Variants in NEBL observed in about 807,000 individuals in gnomAD.
NEBL encodes LIM and SH3 protein 2.
Under a neutral mutation model 140.2 loss-of-function variants are expected in NEBL, and 122 were observed. The observed-to-expected ratio is 0.87, with a 90% confidence interval of 0.75 to 1.01. The LOEUF is 1.01. Among genes scored for constraint, NEBL ranks in the 50% least tolerant of loss-of-function variants. The pLI is 0.00. For missense variants in NEBL, 1,365 were observed against 1,231.3 expected (o/e 1.11, Z -1.62); for synonymous variants, 436 against 398.9 (o/e 1.09, Z -1.11).
chr10:20,826,389 T>G, intron 18 of NEBL, 58 bp downstream of exon 18: 1 of 1,321,750 alleles, frequency 7.6e-7, no homozygotes. Flanking sequence ...ACTAAAAACA[T>G]TTGTCTATAG....
In NEBL at chr10:20,790,600, CA is replaced by C. The variant is rs558358426; in HGVS notation, c.2762-3293del. Among the ~76,000 whole-genome samples, 717 of 82,808 alleles carry C rather than the reference CA, an allele frequency of 8.7e-3. 5 individuals carry two copies. The highest frequency in any genetic ancestry group is 0.019 in the Middle Eastern group (3 of 158). 54.3% of individuals were successfully genotyped at this position (82,808 alleles called of 152,430 possible). A position where few individuals can be genotyped will look rare whatever the true frequency, so the allele number is the denominator to read the frequency against. On this transcript the variant is annotated intron_variant, in intron 26 of 27. Transcript: ENST00000377122. ...TGGGCGACAGAGTGAAACTCTGTCT[CA>C]AAAAAAAAAAAACAAAACAAACAAA...
intron 1 of NEBL, among the ~76,000 whole-genome samples, chr10:21,266,405 G>A (rs1441263746): frequency 6.6e-6 from 1 of 152,322 alleles, no homozygotes; most frequent in Non-Finnish European, 1.5e-5. Context: ...GCCTCCCAAA[G>A]TGTTAGGATT....
chr10:21,122,717 G>A (rs1287545420), intron 2 of NEBL, among the ~76,000 whole-genome samples: 2 of 152,074 alleles, frequency 1.3e-5, no homozygotes, highest in Non-Finnish European at 2.9e-5. Flanking sequence ...CAGTGTCTGG[G>A]TAGCGGATCC....
chr10:21,110,770 G>A (rs1487551751), intron 2 of NEBL: 2 of 528,668 alleles, frequency 3.8e-6, no homozygotes, highest in Non-Finnish European at 7.4e-6. Context: ...TGATGAAAAT[G>A]AGCACCAATT....
chr10:20,984,160 GAT>G (rs1204692227), intron 3 of NEBL, among the ~76,000 whole-genome samples: 2 of 145,902 alleles, frequency 1.4e-5, no homozygotes, highest in Non-Finnish European at 3.0e-5. Context: ...AAAAAGTAAA[GAT>G]TATATTAAAA....
Position 21,173,953 on chromosome 10 carries a change from C to G in NEBL, c.-120G>C, listed in dbSNP as rs1195804166. 1.1e-5 allele frequency: 15 copies of G among 1,378,402 alleles called. No individual in the cohort carries two copies. Among genetic ancestry groups the G allele is most frequent in the Non-Finnish European group, 1.4e-5 (15 of 1,077,444 alleles). 85.4% of individuals were successfully genotyped at this position (1,378,402 alleles called of 1,614,324 possible). On this transcript the variant is annotated 5_prime_UTR_variant, in exon 1 of 7. Transcript: ENST00000417816. This position sits in a 1 kb window ranked among gnomAD's most constrained non-coding sequence, Gnocchi z 5.7. ...GCGGGAGGGCTGCGGGCGGCGGGCGCCGGGTAGGGAGTCGGCGCCGGGCCA... is the reference window on the plus strand; with the variant it reads ...GCGGGAGGGCTGCGGGCGGCGGGCGGCGGGTAGGGAGTCGGCGCCGGGCCA...
At chr10:21,255,838 A>C (rs935958762) in intron 1 of NEBL, among the ~76,000 whole-genome samples, 1 of 151,930 alleles carries the variant, frequency 6.6e-6, no homozygotes, top group Non-Finnish European at 1.5e-5. Context: ...TCTACTAAAA[A>C]TACAAAAAAT....
chr10:21,231,143 C>A (rs1385827272), intron 3 of NEBL, among the ~76,000 whole-genome samples: 1 of 152,208 alleles, frequency 6.6e-6, no homozygotes, highest in Non-Finnish European at 1.5e-5. Context: ...GATGTGCGAG[C>A]ACTTCTTGGC....
At chr10:20,894,384 A>G (rs563094979) in intron 2 of NEBL, among the ~76,000 whole-genome samples, 17 of 152,184 alleles carry the variant, frequency 1.1e-4, no homozygotes, top group African/African-American at 4.1e-4. Flanking sequence ...AAGGCTGGAG[A>G]ATCACTTGAG....
intron 3 of NEBL, among the ~76,000 whole-genome samples, chr10:21,202,931 A>T (rs890665146): frequency 2.6e-5 from 4 of 152,218 alleles, no homozygotes; most frequent in African/African-American, 9.7e-5. Context: ...GCTTCCTAAG[A>T]ATTTCTGCTC....
At chr10:20,908,373 G>A (rs141293387) in intron 4 of NEBL, among the ~76,000 whole-genome samples, 7 of 152,220 alleles carry the variant, frequency 4.6e-5, no homozygotes, top group East Asian at 1.9e-4. Context: ...TTGTCATTAC[G>A]GATGCTTATA....
chr10:21,197,044 C>T (rs1841664798), intron 3 of NEBL, among the ~76,000 whole-genome samples: 1 of 152,156 alleles, frequency 6.6e-6, no homozygotes, highest in African/African-American at 2.4e-5. Context: ...AAACTAAAAG[C>T]ATGATGAAGA....
intron 3 of NEBL, among the ~76,000 whole-genome samples, chr10:21,241,245 AAAATAAATAAAT>A (rs372654187): frequency 0.027 from 3,955 of 146,480 alleles, 103 homozygotes; most frequent in African/African-American, 0.062. Context: ...CGATGCCAGC[AAAATAAATAAAT>A]AAATAAATAA....
At chr10:20,922,210 A>T (rs147926272) in intron 4 of NEBL, among the ~76,000 whole-genome samples, 5 of 152,170 alleles carry the variant, frequency 3.3e-5, no homozygotes, top group African/African-American at 1.2e-4. Context: ...CCAGGCTGTG[A>T]CTCTGGCTGA....
At chr10:21,081,634 T>C (rs1231080836) in intron 2 of NEBL, among the ~76,000 whole-genome samples, 1 of 152,028 alleles carries the variant, frequency 6.6e-6, no homozygotes, top group Non-Finnish European at 1.5e-5. Context: ...CCCTAGACGG[T>C]TGGTTTCCAA....
At position 21,166,219 on chromosome 10, in the gene NEBL, C is replaced by CAAA. The variant is rs1170225891; in HGVS notation, c.164+6161_164+6163dup. ...TGGGCGACAGAGCGAGACTGTGTCT[C>CAAA]AAAAAAAAAAAAAAAAAAAAAAAAA... On this transcript the variant is annotated intron_variant, in intron 2 of 6. Coordinates refer to the NEBL transcript ENST00000417816. 1.8e-3 allele frequency among the ~76,000 whole-genome samples: 62 copies of CAAA among 35,364 alleles called. 3 individuals carry two copies. The highest frequency in any genetic ancestry group is 3.2e-3 in the African/African-American group (39 of 12,074). 23.2% of individuals were successfully genotyped at this position (35,364 alleles called of 152,430 possible).
chr10:21,147,821 G>T (rs1453935910), intron 2 of NEBL, among the ~76,000 whole-genome samples: 1 of 152,186 alleles, frequency 6.6e-6, no homozygotes, highest in African/African-American at 2.4e-5. Flanking sequence ...ACTTGAGGCT[G>T]CAGGCAGGAA....
intron 4 of NEBL, among the ~76,000 whole-genome samples, chr10:20,943,799 T>C (rs1033142364): frequency 1.3e-5 from 2 of 152,190 alleles, no homozygotes; most frequent in Non-Finnish European, 2.9e-5. Context: ...TTCTCTGTAT[T>C]CTGACTTTAA....
intron 2 of NEBL, among the ~76,000 whole-genome samples, chr10:21,100,620 T>C (rs1837437343): frequency 1.3e-5 from 2 of 152,198 alleles, no homozygotes; most frequent in Non-Finnish European, 2.9e-5. Context: ...TTTTCTTCCT[T>C]TTTCTTTAGA....
Sources: gnomAD v4.1 joint callset for allele counts (sites outside exome capture counted in the v4.1 genomes callset) on GRCh38, gnomAD v4.1.1 for gene constraint, Gnocchi (gnomAD v3.1) non-coding constraint, MANE v1.5 for transcripts, NCBI Gene and HGNC (gene_info 2026-07-23, HGNC 2026-07-21) for gene names.